The following ESRRG variants were observed in gnomAD, a reference collection of about 807,000 sequenced individuals.
ESRRG encodes the protein estrogen related receptor gamma.
A neutral mutation model predicts 44.0 loss-of-function variants in ESRRG; 13 were observed. The ratio of observed to expected loss-of-function variants is 0.30; its 90% CI spans 0.19 to 0.47. ESRRG has a LOEUF of 0.47. Among genes scored for constraint, ESRRG ranks in the 20% least tolerant of loss-of-function variants. The probability of loss-of-function intolerance (pLI) is 1.00; values close to 1 mark genes in which losing one functional copy is unlikely to be tolerated. For synonymous variants in ESRRG, 215 were observed against 214.6 expected, an observed-to-expected ratio of 1.00 and a Z score of -0.02; for missense variants, 395 against 580.6, an observed-to-expected ratio of 0.68 and a Z score of 3.29.
At chr1:216,902,443 G>A (rs561292928) in intron 2 of ESRRG, among the ~76,000 whole-genome samples, 12 of 151,050 alleles carry the variant, frequency 7.9e-5, no homozygotes, top group South Asian at 4.2e-4. Flanking sequence ...GAGCCAGATC[G>A]CGCCACTGCA....
At chr1:216,903,210 A>G (rs1395753334) in intron 2 of ESRRG, among the ~76,000 whole-genome samples, 1 of 152,182 alleles carries the variant, frequency 6.6e-6, no homozygotes, top group East Asian at 1.9e-4. Flanking sequence ...CCAGTGCTAC[A>G]TAATGCTGCA....
At chr1:216,561,773 C>A (rs1288578883) in intron 5 of ESRRG, among the ~76,000 whole-genome samples, 1 of 152,104 alleles carries the variant, frequency 6.6e-6, no homozygotes, top group Admixed American at 6.5e-5. Context: ...ATATTCCTTG[C>A]AATCATTTAC....
intron 1 of ESRRG, among the ~76,000 whole-genome samples, chr1:217,015,082 G>T (rs1350270038): frequency 5.3e-5 from 8 of 152,136 alleles, no homozygotes; most frequent in Admixed American, 3.9e-4. Flanking sequence ...AGCTTTCTAT[G>T]AACCCGAATC....
intron 2 of ESRRG, among the ~76,000 whole-genome samples, chr1:216,751,621 G>A (rs1226118741): frequency 2.0e-5 from 3 of 151,874 alleles, no homozygotes; most frequent in East Asian, 3.9e-4. Context: ...ATCAGGGCCT[G>A]GGAGCCACCA....
intron 1 of ESRRG, among the ~76,000 whole-genome samples, chr1:217,049,261 G>A (rs2085463654): frequency 2.0e-5 from 3 of 152,146 alleles, no homozygotes; most frequent in Admixed American, 2.0e-4. Flanking sequence ...TCTGAGTGTA[G>A]GAATTCTCAG....
chr1:217,026,906 C>CAG (rs1190481305), intron 1 of ESRRG, among the ~76,000 whole-genome samples: 6 of 74,642 alleles, frequency 8.0e-5, no homozygotes, highest in Middle Eastern at 6.8e-3. Context: ...CACACACACA[C>CAG]ACACACAGAG....
intron 2 of ESRRG, among the ~76,000 whole-genome samples, chr1:216,900,055 C>T (rs529541369): frequency 2.0e-5 from 3 of 152,244 alleles, no homozygotes; most frequent in East Asian, 1.9e-4. Context: ...ACAGTTTTGT[C>T]GTCTCTATAT....
chr1:216,561,258 G>A (rs146894746), intron 5 of ESRRG, among the ~76,000 whole-genome samples: 1,712 of 152,014 alleles, frequency 0.011, 33 homozygotes, highest in African/African-American at 0.039. Context: ...ACTCATTTTC[G>A]ATGCTAAACT....
intron 2 of ESRRG, among the ~76,000 whole-genome samples, chr1:216,732,691 C>T (rs1032940435): frequency 1.3e-5 from 2 of 151,892 alleles, no homozygotes; most frequent in Admixed American, 6.6e-5. Flanking sequence ...GTAGTCCCAG[C>T]TACTCCGGAG....
intron 2 of ESRRG, among the ~76,000 whole-genome samples, chr1:216,903,675 A>AG (rs764631272): frequency 9.9e-5 from 15 of 151,784 alleles, no homozygotes; most frequent in Admixed American, 7.2e-4. Flanking sequence ...GATGCAGAAG[A>AG]GAAAAAAAAA....
chr1:216,766,225 T>A (rs1189441558), intron 2 of ESRRG, among the ~76,000 whole-genome samples: 1 of 152,060 alleles, frequency 6.6e-6, no homozygotes, highest in African/African-American at 2.4e-5. Context: ...CTTAATCAAT[T>A]CTCAGCCCAC....
chr1:216,516,157 T>TA (rs1472782122), intron 6 of ESRRG, among the ~76,000 whole-genome samples: 1 of 152,122 alleles, frequency 6.6e-6, no homozygotes, highest in Non-Finnish European at 1.5e-5. Flanking sequence ...AAGAGGTTGT[T>TA]AATACTAAAA....
At chr1:216,517,551 A>C (rs1023474879) in intron 6 of ESRRG, among the ~76,000 whole-genome samples, 6 of 152,236 alleles carry the variant, frequency 3.9e-5, no homozygotes, top group Non-Finnish European at 8.8e-5. Flanking sequence ...GCTTTAGTAT[A>C]TTTTAAAAAC....
chr1:216,736,176 ATTTTTTTTTTTTTTT>A (rs34469625), intron 2 of ESRRG, among the ~76,000 whole-genome samples: 1 of 82,688 alleles, frequency 1.2e-5, no homozygotes. Context: ...GTTAAGGACT[ATTTTTTTTTTTTTTT>A]TTTTTTTTTG....
At chr1:216,555,863 A>G (rs867959742) in intron 5 of ESRRG, among the ~76,000 whole-genome samples, 4 of 152,268 alleles carry the variant, frequency 2.6e-5, no homozygotes, top group Middle Eastern at 3.4e-3. Context: ...AGGCCAGGAT[A>G]GACACGCATT....
chr1:216,631,361 T>C (rs955914999), intron 3 of ESRRG, among the ~76,000 whole-genome samples: 1 of 152,194 alleles, frequency 6.6e-6, no homozygotes, highest in African/African-American at 2.4e-5. Context: ...CATGGGCTAC[T>C]TATTATCTTG....
chr1:217,027,101 G>C (rs905280815), intron 1 of ESRRG, among the ~76,000 whole-genome samples: 7 of 152,044 alleles, frequency 4.6e-5, no homozygotes, highest in Non-Finnish European at 1.5e-5. Flanking sequence ...TAAATGTTCT[G>C]TGTCGATTTT....
intron 2 of ESRRG, among the ~76,000 whole-genome samples, chr1:216,855,404 A>G (rs532492683): frequency 2.0e-5 from 3 of 149,774 alleles, no homozygotes; most frequent in Non-Finnish European, 4.5e-5. Flanking sequence ...GAATTATCTC[A>G]TTTAATTGTT....
At chr1:216,593,094 T>C (rs1231579636) in intron 3 of ESRRG, among the ~76,000 whole-genome samples, 2 of 152,260 alleles carry the variant, frequency 1.3e-5, no homozygotes, top group Middle Eastern at 3.4e-3. Flanking sequence ...GAAGAAGAAA[T>C]CTATTAGAGA....
Sources: allele counts gnomAD v4.1 joint callset (sites outside exome capture counted in the v4.1 genomes callset), GRCh38; gene constraint gnomAD v4.1.1; transcripts MANE v1.5; gene names NCBI Gene and HGNC (gene_info 2026-07-23, HGNC 2026-07-21).